Variants in CNTN5 observed in about 807,000 individuals in gnomAD.
The protein encoded by CNTN5 is contactin 5.
Under a neutral mutation model 129.1 loss-of-function variants are expected in CNTN5, and 77 were observed. The ratio of observed to expected loss-of-function variants is 0.60; its 90% CI spans 0.50 to 0.72. CNTN5 has a LOEUF of 0.72. Among genes scored for constraint, CNTN5 ranks in the 30% least tolerant of loss-of-function variants. The probability of loss-of-function intolerance (pLI) is 0.00; values close to 1 mark genes in which losing one functional copy is unlikely to be tolerated. For missense variants in CNTN5, 1,478 were observed against 1,328.8 expected (o/e 1.11, Z -1.75); for synonymous variants, 509 against 465.6 (o/e 1.09, Z -1.20).
intron 3 of CNTN5, among the ~76,000 whole-genome samples, chr11:99,642,006 T>C (rs906346653): frequency 6.6e-6 from 1 of 152,136 alleles, no homozygotes. Context: ...GATATGATAA[T>C]TGGGCCAAAG....
chr11:99,976,403 C>A (rs538516622), intron 8 of CNTN5, among the ~76,000 whole-genome samples: 14 of 152,296 alleles, frequency 9.2e-5, no homozygotes, highest in Non-Finnish European at 1.5e-4. Context: ...TGAGTGGGGC[C>A]TCCAACCCTA....
At chr11:99,550,715 C>T (rs1346674268) in intron 2 of CNTN5, among the ~76,000 whole-genome samples, 1 of 152,152 alleles carries the variant, frequency 6.6e-6, no homozygotes, top group African/African-American at 2.4e-5. Flanking sequence ...TAACATCCAT[C>T]ATTACCTTAA....
chr11:99,282,852 C>T lies in CNTN5; in HGVS notation c.-209-42494C>T, dbSNP rs142675343. 2.6e-5 allele frequency among the ~76,000 whole-genome samples: 4 copies of T among 152,184 alleles called. No homozygotes were observed. The East Asian group carries it at 7.7e-4, about 29-fold the overall frequency. ...CAGTAATGTCAGACCTGGGAGTCAGCATCTGTGGAATTATCAGGGGCCTTT... is the reference window on the plus strand; with the variant it reads ...CAGTAATGTCAGACCTGGGAGTCAGTATCTGTGGAATTATCAGGGGCCTTT... On this transcript the variant is annotated intron_variant, in intron 1 of 24. Transcript: ENST00000524871.
At chr11:99,384,011 C>G (rs754653925) in intron 2 of CNTN5, among the ~76,000 whole-genome samples, 1 of 152,122 alleles carries the variant, frequency 6.6e-6, no homozygotes, top group African/African-American at 2.4e-5. Flanking sequence ...CCAAGTTCCA[C>G]GGGTGATAAA....
intron 15 of CNTN5, among the ~76,000 whole-genome samples, chr11:100,222,909 TA>T (rs1443384373): frequency 1.3e-5 from 2 of 152,078 alleles, no homozygotes; most frequent in South Asian, 2.1e-4. Context: ...GTGGCAAATA[TA>T]AAAAAGCTCA....
intron 3 of CNTN5, among the ~76,000 whole-genome samples, chr11:99,782,914 A>G (rs2135395336): frequency 6.6e-6 from 1 of 152,012 alleles, no homozygotes; most frequent in Admixed American, 6.5e-5. Flanking sequence ...GGACATAGGC[A>G]TGGGCAAGGA....
intron 7 of CNTN5, among the ~76,000 whole-genome samples, chr11:99,953,232 T>C (rs553251344): frequency 6.6e-6 from 1 of 152,318 alleles, no homozygotes; most frequent in East Asian, 1.9e-4. Context: ...TGTTTTTGTA[T>C]ACTCTGTAGA....
At chr11:100,167,793 A>G (rs1248633271) in intron 13 of CNTN5, among the ~76,000 whole-genome samples, 1 of 151,972 alleles carries the variant, frequency 6.6e-6, no homozygotes, top group East Asian at 1.9e-4. Context: ...GCTAGAAGTG[A>G]TTAAACTTGT....
At chr11:99,435,977 T>C (rs1378284224) in intron 2 of CNTN5, among the ~76,000 whole-genome samples, 3 of 152,196 alleles carry the variant, frequency 2.0e-5, no homozygotes, top group African/African-American at 4.8e-5. Context: ...TATTCAACTT[T>C]GAAATGACTC....
intron 1 of CNTN5, among the ~76,000 whole-genome samples, chr11:99,123,234 G>A (rs539402522): frequency 1.3e-5 from 2 of 151,746 alleles, no homozygotes; most frequent in African/African-American, 2.4e-5. Context: ...TTTAATAACG[G>A]TCATTCTGAC....
chr11:100,258,797 A>C (rs1041621996), intron 17 of CNTN5, among the ~76,000 whole-genome samples: 32 of 152,152 alleles, frequency 2.1e-4, no homozygotes, highest in African/African-American at 7.2e-4. Flanking sequence ...TGAAGGAAGC[A>C]CTCAATATGG....
intron 1 of CNTN5, among the ~76,000 whole-genome samples, chr11:99,324,142 T>C (rs1271595905): frequency 6.6e-6 from 1 of 152,168 alleles, no homozygotes; most frequent in Non-Finnish European, 1.5e-5. Context: ...CCAAATAATA[T>C]AAATAGAAGT....
At chr11:99,464,195 A>G (rs1379588323) in intron 2 of CNTN5, among the ~76,000 whole-genome samples, 1 of 152,184 alleles carries the variant, frequency 6.6e-6, no homozygotes, top group African/African-American at 2.4e-5. Flanking sequence ...TCAGCATGTA[A>G]CTTTGGGGAG....
chr11:100,142,036 TG>T (rs1455710880), intron 13 of CNTN5, among the ~76,000 whole-genome samples: 1 of 152,136 alleles, frequency 6.6e-6, no homozygotes, highest in Non-Finnish European at 1.5e-5. Context: ...TTCCTGGAGC[TG>T]GGACACCCTT....
intron 1 of CNTN5, among the ~76,000 whole-genome samples, chr11:99,321,940 C>T (rs568715690): frequency 4.3e-4 from 65 of 152,206 alleles, no homozygotes; most frequent in African/African-American, 1.5e-3. Flanking sequence ...ACTACAATGG[C>T]TGATGAAAGA....
chr11:99,442,184 T>A lies in CNTN5; in HGVS notation c.-70-113961T>A, dbSNP rs146835913. On this transcript the variant is annotated intron_variant, in intron 2 of 24. Coordinates refer to ENST00000524871, the MANE Select transcript of CNTN5 (RefSeq NM_014361.4). ...ATAGCTATGAGGGCTATATATATTT[T>A]TTTTTTAAGATGGAGTCTTGCTCTC... Among the ~76,000 whole-genome samples, 1,055 of 152,202 alleles carry A rather than the reference T, an allele frequency of 6.9e-3. 6 individuals carry two copies. The highest frequency in any genetic ancestry group is 0.017 in the African/African-American group (696 of 41,504).
intron 3 of CNTN5, among the ~76,000 whole-genome samples, chr11:99,583,154 T>C (rs2851602): frequency 0.91 from 138,187 of 151,998 alleles, 62,974 homozygotes; most frequent in East Asian, 1. Context: ...TGGTGAACCG[T>C]AAATGCTGCT....
intron 13 of CNTN5, among the ~76,000 whole-genome samples, chr11:100,128,421 G>C (rs1946266137): frequency 6.6e-6 from 1 of 152,104 alleles, no homozygotes; most frequent in African/African-American, 2.4e-5. Flanking sequence ...CTCCCAAAGA[G>C]GTCCATATCC....
intron 1 of CNTN5, among the ~76,000 whole-genome samples, chr11:99,273,222 A>G (rs1483879440): frequency 6.6e-6 from 1 of 151,826 alleles, no homozygotes. Flanking sequence ...GGAGCTCGGG[A>G]AGCCTATATT....
Sources: gnomAD v4.1 joint callset for allele counts (sites outside exome capture counted in the v4.1 genomes callset) on GRCh38, gnomAD v4.1.1 for gene constraint, MANE v1.5 for transcripts, NCBI Gene and HGNC (gene_info 2026-07-23, HGNC 2026-07-21) for gene names.